Variants in RFX3 observed in about 807,000 individuals in gnomAD.
RFX3 encodes the protein regulatory factor X3.
A neutral mutation model predicts 98.6 loss-of-function variants in RFX3; 14 were observed. The observed-to-expected ratio is 0.14, with a 90% CI of 0.09 to 0.22. RFX3 has a LOEUF of 0.22. RFX3 is among the 10% of genes least tolerant of loss of function. RFX3 has a pLI of 1.00. For missense variants in RFX3, 639 were observed against 926.9 expected, an observed-to-expected ratio of 0.69 and a Z score of 4.03; for synonymous variants, 383 against 328.4, an observed-to-expected ratio of 1.17 and a Z score of -1.80.
chr9:3,303,076 T>C (rs2130136586), intron 4 of RFX3, among the ~76,000 whole-genome samples: 1 of 151,948 alleles, frequency 6.6e-6, no homozygotes, highest in East Asian at 1.9e-4. Flanking sequence ...GTAAACTTCT[T>C]AATCATTCTC....
At chr9:3,241,386 T>G (rs1484821418) in intron 15 of RFX3, among the ~76,000 whole-genome samples, 1 of 152,186 alleles carries the variant, frequency 6.6e-6, no homozygotes, top group East Asian at 1.9e-4. Flanking sequence ...TAAGCAAATT[T>G]TCTCCATTCC....
At chr9:3,412,103 G>C (rs548018435) in intron 1 of RFX3, among the ~76,000 whole-genome samples, 3 of 152,232 alleles carry the variant, frequency 2.0e-5, no homozygotes, top group South Asian at 2.1e-4. Flanking sequence ...TCAAAACAAA[G>C]CTTACTGTGA....
At chr9:3,358,652 C>G (rs1836050576) in intron 2 of RFX3, among the ~76,000 whole-genome samples, 1 of 152,034 alleles carries the variant, frequency 6.6e-6, no homozygotes, top group African/African-American at 2.4e-5. Flanking sequence ...TTGGCGGTAA[C>G]ACCATTTTTA....
At chr9:3,251,928 A>G (rs1821458946) in intron 14 of RFX3, among the ~76,000 whole-genome samples, 1 of 151,612 alleles carries the variant, frequency 6.6e-6, no homozygotes, top group African/African-American at 2.4e-5. Flanking sequence ...AGCTCACCGC[A>G]ACCTCTGCCT....
chr9:3,303,344 A>C (rs56663916), intron 4 of RFX3, among the ~76,000 whole-genome samples: 8,780 of 151,936 alleles, frequency 0.058, 833 homozygotes, highest in African/African-American at 0.2. Context: ...CAAAGAGAAA[A>C]CAGAGCAGAA....
intron 14 of RFX3, among the ~76,000 whole-genome samples, chr9:3,250,988 T>G (rs1201642185): frequency 6.6e-6 from 1 of 152,098 alleles, no homozygotes; most frequent in Non-Finnish European, 1.5e-5. Context: ...CTTGAACTTA[T>G]CCAAAGATAT....
chr9:3,453,822 C>T (rs1025081159), intron 1 of RFX3: 1 of 151,440 alleles, frequency 6.6e-6, no homozygotes, highest in Admixed American at 6.6e-5. Context: ...TTGAAATTGT[C>T]TTTGGCATTA....
chr9:3,317,688 AC>A (rs1168345875), intron 4 of RFX3, among the ~76,000 whole-genome samples: 1 of 152,144 alleles, frequency 6.6e-6, no homozygotes, highest in Non-Finnish European at 1.5e-5. Flanking sequence ...AAATCAAACA[AC>A]CCCATCAAAA....
rs1010396838 is a variant in RFX3, at chr9:3,219,787, G to C, written c.*5255C>G. ...TTGCATGTTAACACATGAGTAATTTGCATGGTCTGACTTCCTAAACTGCCT... is the reference window on the plus strand; with the variant it reads ...TTGCATGTTAACACATGAGTAATTTCCATGGTCTGACTTCCTAAACTGCCT... On this transcript the variant is annotated 3_prime_UTR_variant, in exon 17 of 17. Transcript: ENST00000617270. 9 of 152,124 alleles carry C rather than the reference G, an allele frequency of 5.9e-5. No homozygotes were observed. The highest frequency in any genetic ancestry group is 2.2e-4 in the African/African-American group (9 of 41,436). 9.4% of individuals were successfully genotyped at this position (152,124 alleles called of 1,614,324 possible). A position where few individuals can be genotyped will look rare whatever the true frequency, so the allele number is the denominator to read the frequency against.
chr9:3,255,928 G>A (rs1251880234), intron 14 of RFX3, among the ~76,000 whole-genome samples: 2 of 151,748 alleles, frequency 1.3e-5, no homozygotes. Flanking sequence ...AGAGCTTTGT[G>A]AAAAAAATCC....
chr9:3,249,870 T>C (rs971979241), intron 14 of RFX3, among the ~76,000 whole-genome samples: 1 of 152,060 alleles, frequency 6.6e-6, no homozygotes, highest in South Asian at 2.1e-4. Flanking sequence ...TTCATTATCA[T>C]AAATAGTAGG....
At position 3,478,919 on chromosome 9, in the gene RFX3, A is replaced by G. The variant is rs867290923; in HGVS notation, c.-9+46828T>C. Among the ~76,000 whole-genome samples, 9 of 152,264 alleles carry G rather than the reference A, an allele frequency of 5.9e-5. 1 individual carries two copies. The South Asian group carries it at 1.9e-3, about 32-fold the overall frequency. On this transcript the variant is annotated intron_variant, in intron 1 of 16. Coordinates refer to ENST00000617270, the MANE Select transcript of RFX3 (RefSeq NM_001282116.2). ...TGGGGGTAAGCTTTTTCTTCCCCCA[A>G]CTGAGCTGAGTTCAGAGTCAAATCA...
chr9:3,423,767 TTATATATTTTCATATA>T (rs1220760269), intron 1 of RFX3, among the ~76,000 whole-genome samples: 4 of 112,880 alleles, frequency 3.5e-5, no homozygotes, highest in African/African-American at 1.3e-4. Context: ...ATTTTATGTA[TTATATATTTTCATATA>T]TATATATATA....
chr9:3,366,869 C>T, intron 2 of RFX3, among the ~76,000 whole-genome samples: 1 of 151,820 alleles, frequency 6.6e-6, no homozygotes, highest in Non-Finnish European at 1.5e-5. Context: ...CATTCCCACT[C>T]AAAAAAGTAG....
chr9:3,330,176 T>G lies in RFX3; in HGVS notation c.474+83A>C, dbSNP rs1350765979. On this transcript the variant is annotated intron_variant, in intron 4 of 16. Transcript: ENST00000617270. The stretch of plus-strand genomic sequence containing the variant: ...CATTCTTGCCCCAGTCCCATCTGTG[T>G]TGTTCTTTTCCCTCTATCAAAGGAA... 5.0e-6 allele frequency: 7 copies of G among 1,411,240 alleles called. No homozygotes were observed. The South Asian group carries it at 7.7e-5, about 16-fold the overall frequency. 87.4% of individuals were successfully genotyped at this position (1,411,240 alleles called of 1,614,324 possible). A position where few individuals can be genotyped will look rare whatever the true frequency, so the allele number is the denominator to read the frequency against.
chr9:3,462,734 T>C (rs762216956), intron 1 of RFX3, among the ~76,000 whole-genome samples: 15 of 152,130 alleles, frequency 9.9e-5, no homozygotes, highest in Non-Finnish European at 1.9e-4. Flanking sequence ...AAGTGTACCA[T>C]ACTTCAATAC....
intron 1 of RFX3, among the ~76,000 whole-genome samples, chr9:3,494,978 G>C (rs1850999466): frequency 6.6e-6 from 1 of 151,984 alleles, no homozygotes; most frequent in Non-Finnish European, 1.5e-5. Context: ...GTCTGGACAA[G>C]TTTGGTAGTT....
intron 1 of RFX3, among the ~76,000 whole-genome samples, chr9:3,400,563 C>T (rs888304511): frequency 8.5e-5 from 13 of 152,154 alleles, no homozygotes; most frequent in African/African-American, 2.9e-4. Flanking sequence ...AAAACTTAGT[C>T]TCTCTTTTGT....
intron 1 of RFX3, among the ~76,000 whole-genome samples, chr9:3,411,187 T>G (rs1476281681): frequency 6.6e-6 from 1 of 152,188 alleles, no homozygotes. Flanking sequence ...TATTTGCATA[T>G]GAAAATTATA....
Sources: allele counts gnomAD v4.1 joint callset (sites outside exome capture counted in the v4.1 genomes callset), GRCh38; gene constraint gnomAD v4.1.1; transcripts MANE v1.5; gene names NCBI Gene and HGNC (gene_info 2026-07-23, HGNC 2026-07-21).